The following MYO9A variants were observed in gnomAD, a reference collection of about 807,000 sequenced individuals.
MYO9A encodes the protein myosin IXA, also known as unconventional myosin-IXa.
A neutral mutation model predicts 293.3 loss-of-function variants in MYO9A; 103 were observed. That is an observed-to-expected ratio of 0.35 (90% confidence interval 0.30 to 0.41). MYO9A has a LOEUF of 0.41. Ranked by LOEUF, MYO9A falls within the 10% of genes least tolerant of loss-of-function variation. MYO9A has a pLI of 1.00. For missense variants in MYO9A, 2,685 were observed against 3,033.0 expected (o/e 0.89, Z 2.69); for synonymous variants, 1,001 against 1,035.7 (o/e 0.97, Z 0.64).
In MYO9A at chr15:72,041,507, T is replaced by C. The variant is rs2078224854; in HGVS notation, c.840+4217A>G. On this transcript the variant is annotated intron_variant, in intron 2 of 41. Coordinates refer to ENST00000356056, the MANE Select transcript of MYO9A (RefSeq NM_006901.4). ...GGTGAACCTTGGCATGACCAAGTTT[T>C]CCAGTTTTGGAAGTTAACATCTTCA... 8.5e-6 allele frequency: 3 copies of C among 351,122 alleles called. No individual in the cohort carries two copies. In the Admixed American group the frequency reaches 1.2e-4, roughly 14 times the overall value. The allele number at this position is 351,122 out of a possible 1,614,324, so 21.8% of individuals were successfully genotyped here. A position where few individuals can be genotyped will look rare whatever the true frequency, so the allele number is the denominator to read the frequency against.
At chr15:71,891,043 A>G (rs1186886536) in intron 26 of MYO9A, 1 of 152,216 alleles carries the variant, frequency 6.6e-6, no homozygotes, top group African/African-American at 2.4e-5. Flanking sequence ...AGAGAAACAC[A>G]TTTAAAAATT....
At chr15:71,948,726 A>T (rs2058979244) in intron 15 of MYO9A, among the ~76,000 whole-genome samples, 1 of 152,172 alleles carries the variant, frequency 6.6e-6, no homozygotes, top group Admixed American at 6.5e-5. Flanking sequence ...TTTTCCATAT[A>T]ATACATATGT....
intron 34 of MYO9A, among the ~76,000 whole-genome samples, chr15:71,856,123 C>T (rs770262985): frequency 5.3e-5 from 8 of 152,032 alleles, no homozygotes; most frequent in Admixed American, 1.3e-4. Context: ...CCAGCCTGGC[C>T]AACATGGTGA....
At chr15:72,043,973 A>G (rs977488492) in intron 2 of MYO9A, among the ~76,000 whole-genome samples, 7 of 147,716 alleles carry the variant, frequency 4.7e-5, no homozygotes, top group Non-Finnish European at 1.0e-4. Flanking sequence ...CAAAAACCGC[A>G]TATATTTATG....
chr15:71,830,236 C>A lies in MYO9A; in HGVS notation c.6913G>T (p.Asp2305Tyr). The change falls in exon 40 of 42, where the codon GAT becomes TAT. Residue 2305 changes from aspartate (D) to tyrosine (Y), a missense_variant. Coordinates refer to ENST00000356056, the MANE Select transcript of MYO9A (RefSeq NM_006901.4). Reference sequence around the variant, plus strand: ...CTAGTCAAGGTCTCCTCTGAGACATCAGACACAGAAGGCAACCGAACTACA... The same window carrying A: ...CTAGTCAAGGTCTCCTCTGAGACATAAGACACAGAAGGCAACCGAACTACA... ...PVVVRLPSVS[D>Y]VSEETLTSEA... 1 of 1,614,088 alleles carries A rather than the reference C, an allele frequency of 6.2e-7. No homozygotes were observed. The highest frequency in any genetic ancestry group is 1.1e-5 in the South Asian group (1 of 91,070).
intron 1 of MYO9A, among the ~76,000 whole-genome samples, chr15:72,103,810 T>A (rs1007827771): frequency 6.6e-6 from 1 of 152,140 alleles, no homozygotes; most frequent in Non-Finnish European, 1.5e-5. Flanking sequence ...CTTAAAATTA[T>A]GAAGCAAAGC....
intron 2 of MYO9A, among the ~76,000 whole-genome samples, chr15:72,043,815 C>T (rs1458821441): frequency 6.6e-6 from 1 of 151,974 alleles, no homozygotes; most frequent in East Asian, 1.9e-4. Context: ...ATGTTATACA[C>T]TTTAAATATA....
At chr15:71,957,768 T>C (rs181304414) in intron 14 of MYO9A, among the ~76,000 whole-genome samples, 18 of 152,310 alleles carry the variant, frequency 1.2e-4, no homozygotes, top group South Asian at 4.1e-4. Context: ...GGGTTTCAGC[T>C]TCTCTCTTTG....
At chr15:71,933,605 T>TATGAGTAATACAATACA in intron 18 of MYO9A, 65 bp downstream of exon 18, 1 of 1,380,554 alleles carries the variant, frequency 7.2e-7, no homozygotes, top group Non-Finnish European at 1.0e-6. Flanking sequence ...ATGAAGATTG[T>TATGAGTAATACAATACA]ATGAGTAATA....
At chr15:71,858,234 T>G (rs181335774) in intron 34 of MYO9A, among the ~76,000 whole-genome samples, 39 of 152,316 alleles carry the variant, frequency 2.6e-4, no homozygotes, top group African/African-American at 9.1e-4. Context: ...AAATACCATT[T>G]GACCCAGCCA....
At chr15:71,941,735 C>A (rs1455336178) in intron 15 of MYO9A, among the ~76,000 whole-genome samples, 1 of 151,426 alleles carries the variant, frequency 6.6e-6, no homozygotes. Flanking sequence ...TGCTGAATGC[C>A]AAATATGAAG....
At chr15:72,015,991 G>T (rs577108026) in intron 6 of MYO9A, among the ~76,000 whole-genome samples, 2 of 152,022 alleles carry the variant, frequency 1.3e-5, no homozygotes, top group South Asian at 4.1e-4. Flanking sequence ...CCCAGCCTCA[G>T]ATCAGCTTTA....
rs1331111735 is a variant in MYO9A, at chr15:71,878,082, T to G, written c.5889A>C (p.Glu1963Asp). 3 of 1,608,812 alleles carry G rather than the reference T, an allele frequency of 1.9e-6. No homozygotes were observed. Among genetic ancestry groups the G allele is most frequent in the Non-Finnish European group, 2.5e-6 (3 of 1,178,562 alleles). Reference sequence around the variant, plus strand: ...CTGAAGTCTTGAATTCATTCATATATTCATCTAAAAACACTTTAAAAGTGT... The same window carrying G: ...CTGAAGTCTTGAATTCATTCATATAGTCATCTAAAAACACTTTAAAAGTGT... ...WVNTFKVFLD[E>D]YMNEFKTSDC... Residue 1963 changes from glutamate (E) to aspartate (D), a missense_variant, in exon 31 of 42, where the codon GAA becomes GAC. This residue lies in a region of MYO9A where 1,434 missense variants were observed against 1,497.7 expected (regional missense o/e 0.96). Transcript: ENST00000356056.
At chr15:72,073,451 A>T (rs113044225) in intron 1 of MYO9A, among the ~76,000 whole-genome samples, 4 of 152,346 alleles carry the variant, frequency 2.6e-5, no homozygotes, top group African/African-American at 9.6e-5. Context: ...TAGAGTCAAC[A>T]TATAACTCTT....
intron 11 of MYO9A, among the ~76,000 whole-genome samples, chr15:71,979,229 A>C (rs1416505683): frequency 6.6e-6 from 1 of 152,192 alleles, no homozygotes; most frequent in Non-Finnish European, 1.5e-5. Flanking sequence ...CTAACTAGGA[A>C]AGGTAAATAC....
At chr15:71,955,478 T>C (rs2059156014) in intron 14 of MYO9A, among the ~76,000 whole-genome samples, 1 of 152,222 alleles carries the variant, frequency 6.6e-6, no homozygotes. Flanking sequence ...TATTCTTTCA[T>C]ATCTAGCTTT....
In MYO9A at chr15:71,852,153, C is replaced by T. The variant is rs74022458; in HGVS notation, c.6454G>A (p.Glu2152Lys). Residue 2152 changes from glutamate to lysine, a missense_variant, in exon 36 of 42, where the codon GAG becomes AAG. Coordinates refer to ENST00000356056, the MANE Select transcript of MYO9A (RefSeq NM_006901.4). ...TTACCCATAGCTCGAAGAAATTCCT[C>T]ATAGAGTTCAAAGGTCATGAGAGGA... The part of the protein sequence containing the change: ...PNPLMTFELY[E>K]EFLRAMGLQE... The T allele has an allele frequency of 3.9e-4, 623 of 1,612,408 alleles. 1 individual carries two copies. In the African/African-American group the frequency reaches 7.2e-3, roughly 19 times the overall value.
At chr15:72,009,790 ATTTC>A (rs1247756871) in intron 7 of MYO9A, among the ~76,000 whole-genome samples, 1 of 152,182 alleles carries the variant, frequency 6.6e-6, no homozygotes, top group African/African-American at 2.4e-5. Flanking sequence ...ATAAGTAACT[ATTTC>A]TTTCTGGTGA....
chr15:71,874,628 G>A (rs1167401961), intron 32 of MYO9A, among the ~76,000 whole-genome samples: 1 of 152,188 alleles, frequency 6.6e-6, no homozygotes, highest in African/African-American at 2.4e-5. Context: ...ACTATAACGG[G>A]AGAAGAGTAT....
Sources: gnomAD v4.1 joint callset for allele counts (sites outside exome capture counted in the v4.1 genomes callset) on GRCh38, gnomAD v4.1.1 for gene constraint, gnomAD v4.1.1 regional missense constraint, MANE v1.5 for transcripts, NCBI Gene and HGNC (gene_info 2026-07-23, HGNC 2026-07-21) for gene names.